The following SPTA1 variants were observed in gnomAD, a reference collection of about 807,000 sequenced individuals.
SPTA1 encodes spectrin alpha chain, erythrocytic 1.
In SPTA1, 177 loss-of-function variants were observed where a neutral mutation model predicts 324.7. That is an observed-to-expected ratio of 0.55 (90% confidence interval 0.48 to 0.62). SPTA1 has a LOEUF of 0.62. SPTA1 is among the 20% of genes least tolerant of loss of function. SPTA1 has a pLI of 0.00. For synonymous variants in SPTA1, 1,195 were observed against 1,041.3 expected (o/e 1.15, Z -2.84); for missense variants, 3,162 against 2,883.6 (o/e 1.10, Z -2.21).
intron 47 of SPTA1, 98 bp downstream of exon 47, chr1:158,617,439 C>T: frequency 2.1e-6 from 2 of 946,514 alleles, no homozygotes; most frequent in Non-Finnish European, 3.4e-6. Flanking sequence ...TCAGGTGATA[C>T]ATACCTAAAA....
intron 10 of SPTA1, 116 bp from the exon 11 acceptor site, chr1:158,672,312 G>T: frequency 8.8e-7 from 1 of 1,138,464 alleles, no homozygotes; most frequent in Non-Finnish European, 1.2e-6. Flanking sequence ...ACAGCAAATG[G>T]GCTTTTAAGA....
At chr1:158,660,604 C>T (rs565671947) in intron 18 of SPTA1, among the ~76,000 whole-genome samples, 4 of 152,346 alleles carry the variant, frequency 2.6e-5, no homozygotes, top group African/African-American at 4.8e-5. Context: ...CGAATTTCTA[C>T]AGTTGTTGGT....
chr1:158,675,973 T>G (rs1288592555), intron 8 of SPTA1, among the ~76,000 whole-genome samples, 168 bp downstream of exon 8: 1 of 152,184 alleles, frequency 6.6e-6, no homozygotes, highest in Non-Finnish European at 1.5e-5. Flanking sequence ...CTATATTATA[T>G]CAGTCACAAA....
chr1:158,665,339 T>A (rs868483856), intron 16 of SPTA1, among the ~76,000 whole-genome samples: 2 of 152,236 alleles, frequency 1.3e-5, no homozygotes, highest in African/African-American at 4.8e-5. Context: ...TCTAAAGGTA[T>A]ACAAATGACT....
rs141471542 is a variant in SPTA1, at chr1:158,675,518, T to A, written c.1112+623A>T. On this transcript the variant is annotated intron_variant, in intron 8 of 51. Transcript: ENST00000643759. Reference sequence around the variant, plus strand: ...TATTTGTGGGAGATACATTTCAATATGCCCAGCAGGTGCCAGAAACTGCAG... The same window carrying A: ...TATTTGTGGGAGATACATTTCAATAAGCCCAGCAGGTGCCAGAAACTGCAG... Among the ~76,000 whole-genome samples, 435 of 152,302 alleles carry A rather than the reference T, an allele frequency of 2.9e-3. 1 individual carries two copies. The highest frequency in any genetic ancestry group is 2.7e-3 in the Non-Finnish European group (184 of 68,028).
Position 158,648,735 on chromosome 1 carries a change from T to A in SPTA1, c.3570-82A>T. The A allele has an allele frequency of 2.1e-6, 3 of 1,456,372 alleles. No homozygotes were observed. In the South Asian group the frequency reaches 3.6e-5, roughly 17 times the overall value. The allele number at this position is 1,456,372 out of a possible 1,614,324, so 90.2% of individuals were successfully genotyped here. On this transcript the variant is annotated intron_variant, in intron 25 of 51. Transcript: ENST00000643759. ...AGTGGGGGTCACAAGAAAGTTATCA[T>A]CACTACCACTCACCATCCTCCCACC...
intron 39 of SPTA1, 34 bp from the exon 40 acceptor site, chr1:158,627,757 C>G (rs764903131): frequency 2.5e-6 from 4 of 1,592,656 alleles, no homozygotes; most frequent in Non-Finnish European, 2.6e-6. Context: ...TTAAGATATC[C>G]AAAGCCGGAA....
rs944544956 is a variant in SPTA1 at position 158,614,739 on chromosome 1, G to A, written c.6789-433C>T. The A allele has an allele frequency of 3.7e-5, 7 of 189,010 alleles. No homozygotes were observed. In the East Asian group the frequency reaches 1.0e-3, roughly 27 times the overall value. The allele number at this position is 189,010 out of a possible 1,614,324, so 11.7% of individuals were successfully genotyped here. A position where few individuals can be genotyped will look rare whatever the true frequency, so the allele number is the denominator to read the frequency against. ...TATTATCAGACCATTTACAGAAAAAGTTTGCCAATCCTAATCTAGATAAAA... is the reference window on the plus strand; with the variant it reads ...TATTATCAGACCATTTACAGAAAAAATTTGCCAATCCTAATCTAGATAAAA... On this transcript the variant is annotated intron_variant, in intron 48 of 51. Coordinates refer to ENST00000643759, the MANE Select transcript of SPTA1 (RefSeq NM_003126.4).
intron 3 of SPTA1, 61 bp downstream of exon 3, chr1:158,683,310 A>T: frequency 6.2e-7 from 1 of 1,609,502 alleles, no homozygotes; most frequent in Non-Finnish European, 8.5e-7. Context: ...TCATATAATC[A>T]GTTAAAACCC....
chr1:158,681,575 C>T lies in SPTA1; in HGVS notation c.483G>A (p.Gln161=). 6.2e-7 allele frequency: 1 copy of T among 1,613,810 alleles called. No individual in the cohort carries two copies. Among genetic ancestry groups the T allele is most frequent in the Non-Finnish European group, 8.5e-7 (1 of 1,179,794 alleles). ...TGTCAGCACACTCCTGTACATACTG[C>T]TGGAACTTCAGGGCCCGCAGCAACT... ...GDQLLRALKF[Q]QYVQECADIL... The change falls in exon 4 of 52, where the codon CAG becomes CAA. Residue 161 remains glutamine, a synonymous_variant. Transcript: ENST00000643759.
In SPTA1 at chr1:158,678,539, T is replaced by G. The variant is rs772845211; in HGVS notation, c.679-5A>C. The G allele has an allele frequency of 1.3e-5, 21 of 1,613,188 alleles. No individual in the cohort carries two copies. In the Middle Eastern group the frequency reaches 5.0e-4, roughly 38 times the overall value. On this transcript the variant is annotated splice_polypyrimidine_tract_variant and splice_region_variant and intron_variant, in intron 5 of 51. Coordinates refer to ENST00000643759, the MANE Select transcript of SPTA1 (RefSeq NM_003126.4). ...GGGTAGGTCAGGATGGTTTTCCTGTTGAAGGAAAACAACACTGGAGTTATA... is the reference window on the plus strand; with the variant it reads ...GGGTAGGTCAGGATGGTTTTCCTGTGGAAGGAAAACAACACTGGAGTTATA...
chr1:158,674,437 C>A lies in SPTA1; in HGVS notation c.1249-7G>T, dbSNP rs776190764. On this transcript the variant is annotated splice_polypyrimidine_tract_variant and splice_region_variant and intron_variant, in intron 9 of 51. Coordinates refer to ENST00000643759, the MANE Select transcript of SPTA1 (RefSeq NM_003126.4). ...CGTAAGAGTCAATCTCATGCTGTGG[C>A]CACAAAACAAAGTGTCTCAAAATGC... is the stretch of plus-strand genomic sequence containing the variant. The A allele has an allele frequency of 6.2e-7, 1 of 1,614,024 alleles. No homozygotes were observed. Among genetic ancestry groups the A allele is most frequent in the East Asian group, 2.2e-5 (1 of 44,868 alleles).
chr1:158,612,849 T>G lies in SPTA1; in HGVS notation c.7102A>C (p.Lys2368Gln). The change falls in exon 51 of 52, where the codon AAG (lysine) becomes CAG (glutamine). Residue 2368 changes from lysine (K) to glutamine (Q), a missense_variant. Transcript: ENST00000643759. ...ATGTCTTCTTTGGTAATATATGACT[T>G]GCCCTCTGCCAGGGCTTGGAAGGCA... ...ENAFQALAEG[K>Q]SYITKEDMKQ... 6.2e-7 allele frequency: 1 copy of G among 1,613,964 alleles called. No individual in the cohort carries two copies. Among genetic ancestry groups the G allele is most frequent in the African/African-American group, 1.3e-5 (1 of 75,040 alleles).
intron 49 of SPTA1, 109 bp downstream of exon 49, chr1:158,614,144 T>G: frequency 1.0e-6 from 1 of 961,264 alleles, no homozygotes; most frequent in Non-Finnish European, 1.6e-6. Context: ...TATCTAGATC[T>G]TCATTTAAGA....
At chr1:158,638,926 G>T (rs567168325) in intron 35 of SPTA1, among the ~76,000 whole-genome samples, 61 of 152,100 alleles carry the variant, frequency 4.0e-4, no homozygotes, top group Non-Finnish European at 7.1e-4. Context: ...ATTCTTAGCT[G>T]CCCATTGAAC....
chr1:158,642,468 G>T lies in SPTA1; in HGVS notation c.4680C>A (p.Asn1560Lys). The T allele has an allele frequency of 6.2e-7, 1 of 1,613,660 alleles. No homozygotes were observed. The highest frequency in any genetic ancestry group is 8.5e-7 in the Non-Finnish European group (1 of 1,179,730). The change falls in exon 33 of 52, where the codon AAC (asparagine) becomes AAA (lysine). Residue 1560 changes from asparagine (N) to lysine (K), a missense_variant. By Grantham distance (94) the Asn-to-Lys change is moderately conservative (BLOSUM62 0). Transcript: ENST00000643759. ...GRSEQVHGVI[N>K]LGNSLIECSA... The stretch of plus-strand genomic sequence containing the variant: ...TACACTCAATCAGGGAGTTCCCCAG[G>T]TTGATGACGCCATGCACCTGCTCAG...
At position 158,643,372 on chromosome 1, in the gene SPTA1, T is replaced by C. The variant is rs200749925; in HGVS notation, c.4392A>G (p.Glu1464=). 2 of 1,613,892 alleles carry C rather than the reference T, an allele frequency of 1.2e-6. No homozygotes were observed. Among genetic ancestry groups the C allele is most frequent in the African/African-American group, 1.3e-5 (1 of 75,024 alleles). ...TAGCAATCTCTTCTTTGGCATAGTG[T>C]TCATCAGCAATGAGGCTCTCAGCAA... is the stretch of plus-strand genomic sequence containing the variant. The part of the protein sequence containing the change: ...EHFAESLIAD[E]HYAKEEIATR... The change falls in exon 31 of 52, where the codon GAA becomes GAG. Residue 1464 remains glutamate, a synonymous_variant. Transcript: ENST00000643759.
At chr1:158,641,206 C>T (rs1029184372) in intron 33 of SPTA1, among the ~76,000 whole-genome samples, 1 of 152,082 alleles carries the variant, frequency 6.6e-6, no homozygotes, top group African/African-American at 2.4e-5. Context: ...CATAAAAACC[C>T]TAGAAGAAAA....
chr1:158,645,120 G>T, intron 29 of SPTA1, 68 bp downstream of exon 29: 1 of 1,538,322 alleles, frequency 6.5e-7, no homozygotes, highest in South Asian at 1.1e-5. Context: ...AGCCTGTAAT[G>T]ACCATATGAA....
Sources: gnomAD v4.1 joint callset for allele counts (sites outside exome capture counted in the v4.1 genomes callset) on GRCh38, gnomAD v4.1.1 for gene constraint, MANE v1.5 for transcripts, NCBI Gene and HGNC (gene_info 2026-07-23, HGNC 2026-07-21) for gene names.